Variants in RHOBTB1 observed in about 807,000 individuals in gnomAD.
RHOBTB1 encodes Rho related BTB domain containing 1.
RHOBTB1 carries 40 observed loss-of-function variants against 71.6 expected under a neutral mutation model. The ratio of observed to expected loss-of-function variants is 0.56; its 90% confidence interval spans 0.43 to 0.73. The LOEUF (loss-of-function observed/expected upper bound fraction) is 0.73, where lower values mean the gene tolerates loss of function less well. Ranked by LOEUF, RHOBTB1 falls within the 30% of genes least tolerant of loss-of-function variation. RHOBTB1 has a pLI of 0.00. For missense variants in RHOBTB1, 797 were observed against 894.0 expected, an observed-to-expected ratio of 0.89 and a Z score of 1.38; for synonymous variants, 319 against 334.9, an observed-to-expected ratio of 0.95 and a Z score of 0.52.
chr10:60,984,060 TTGTAC>T (rs1422901735), intron 2 of RHOBTB1, among the ~76,000 whole-genome samples: 1 of 152,230 alleles, frequency 6.6e-6, no homozygotes, highest in Non-Finnish European at 1.5e-5. Context: ...TTCTGAATTG[TTGTAC>T]TCTGTTCCTC....
intron 2 of RHOBTB1, among the ~76,000 whole-genome samples, chr10:60,985,538 G>A (rs191514355): frequency 1.1e-4 from 17 of 152,170 alleles, no homozygotes; most frequent in East Asian, 1.9e-4. Flanking sequence ...AAAATGCTAC[G>A]CACTAAAGAA....
chr10:60,920,737 C>A (rs575445088), intron 2 of RHOBTB1, among the ~76,000 whole-genome samples: 146 of 151,928 alleles, frequency 9.6e-4, no homozygotes, highest in Non-Finnish European at 1.8e-3. Context: ...GCAACCCCTA[C>A]CTCCACCTCT....
At chr10:60,997,892 A>G (rs1443768927) in intron 1 of RHOBTB1, among the ~76,000 whole-genome samples, 2 of 152,188 alleles carry the variant, frequency 1.3e-5, no homozygotes, top group Non-Finnish European at 2.9e-5. Flanking sequence ...GGTGGTCCTC[A>G]CTATTTTTGA....
rs1195553042 is a variant in RHOBTB1, at chr10:60,875,019, T to G, written c.1750A>C (p.Thr584Pro). The G allele has an allele frequency of 1.2e-6, 2 of 1,614,038 alleles. No individual in the cohort carries two copies. Among genetic ancestry groups the G allele is most frequent in the Non-Finnish European group, 1.7e-6 (2 of 1,179,938 alleles). Residue 584 changes from threonine (T) to proline (P), a missense_variant, in exon 9 of 11, where the codon ACC (threonine) becomes CCC (proline). By Grantham distance (38) the Thr-to-Pro change is conservative. Coordinates refer to ENST00000337910, the MANE Select transcript of RHOBTB1 (RefSeq NM_014836.5). Reference sequence around the variant, plus strand: ...CCCACGCCACTCGTGGCGGCTTTGGTCAACTCCTGAACGGCATGCTGTTCT... The same window carrying G: ...CCCACGCCACTCGTGGCGGCTTTGGGCAACTCCTGAACGGCATGCTGTTCT... The part of the protein sequence containing the change: ...LAEQHAVQEL[T>P]KAATSGVGID...
At chr10:60,893,775 A>C (rs1589218392) in intron 4 of RHOBTB1, among the ~76,000 whole-genome samples, 1 of 152,226 alleles carries the variant, frequency 6.6e-6, no homozygotes, top group East Asian at 1.9e-4. Flanking sequence ...TTCCATTTTT[A>C]CATAATAACT....
upstream of RHOBTB1, among the ~76,000 whole-genome samples, chr10:60,948,696 C>A (rs1457890326): frequency 6.6e-6 from 1 of 152,208 alleles, no homozygotes; most frequent in Non-Finnish European, 1.5e-5. Flanking sequence ...AGAATAAGCT[C>A]ATGTATGGCC....
intron 2 of RHOBTB1, among the ~76,000 whole-genome samples, chr10:60,969,651 G>A (rs1051237274): frequency 1.3e-5 from 2 of 152,044 alleles, no homozygotes; most frequent in African/African-American, 2.4e-5. Context: ...GGTCAAGAGA[G>A]TCCTATTGTC....
chr10:60,957,208 T>C (rs1266977197), intron 2 of RHOBTB1, among the ~76,000 whole-genome samples: 1 of 152,184 alleles, frequency 6.6e-6, no homozygotes, highest in Non-Finnish European at 1.5e-5. Context: ...ACAAAAAGGA[T>C]AGTCAACACA....
At chr10:60,969,838 A>G (rs1002248209) in intron 2 of RHOBTB1, among the ~76,000 whole-genome samples, 4 of 152,138 alleles carry the variant, frequency 2.6e-5, no homozygotes, top group African/African-American at 9.6e-5. Flanking sequence ...TAGTATTTAA[A>G]GAAATAGAAT....
At chr10:60,912,216 T>TATATACAC (rs2083023428) in intron 2 of RHOBTB1, among the ~76,000 whole-genome samples, 1 of 151,424 alleles carries the variant, frequency 6.6e-6, no homozygotes, top group African/African-American at 2.4e-5. Flanking sequence ...TATATATGTG[T>TATATACAC]ATATATATAC....
In RHOBTB1 at chr10:60,999,253, TGAAAA is replaced by T. The variant is rs138092528; in HGVS notation, c.-163+2141_-163+2145del. On this transcript the variant is annotated intron_variant, in intron 1 of 11. Transcript: ENST00000357917. ...CGCATCCAAATTTTAGTGAAGGAAA[TGAAAA>T]GAAAAGTCCACTAAAATGGACAAGT... 9.1e-3 allele frequency among the ~76,000 whole-genome samples: 1,387 copies of T among 151,828 alleles called. 4 individuals are homozygous for T. Among genetic ancestry groups the T allele is most frequent in the African/African-American group, 0.015 (623 of 41,374 alleles).
At chr10:60,989,414 G>C (rs934769175) in intron 1 of RHOBTB1, among the ~76,000 whole-genome samples, 4 of 152,182 alleles carry the variant, frequency 2.6e-5, no homozygotes, top group African/African-American at 4.8e-5. Context: ...TGTCTTCCTG[G>C]TGCCTGTCCT....
At chr10:60,945,217 C>A (rs2085173379), upstream of RHOBTB1, among the ~76,000 whole-genome samples, 1 of 152,174 alleles carries the variant, frequency 6.6e-6, no homozygotes, top group South Asian at 2.1e-4. Flanking sequence ...ACCCATCACT[C>A]CTAGCCTGTA....
In RHOBTB1 at chr10:60,993,505, C is replaced by A. The variant is rs77745609; in HGVS notation, c.-162-7560G>T. On this transcript the variant is annotated intron_variant, in intron 1 of 11. Transcript: ENST00000357917. Reference sequence around the variant, plus strand: ...GCAAGGCATAACTGATTTTTTTCTCCTTTGCATTGCCTGCTCAAAAACTGA... The same window carrying A: ...GCAAGGCATAACTGATTTTTTTCTCATTTGCATTGCCTGCTCAAAAACTGA... Among the ~76,000 whole-genome samples, 215 of 152,030 alleles carry A rather than the reference C, an allele frequency of 1.4e-3. 2 individuals are homozygous for A. The East Asian group carries it at 0.027, about 19-fold the overall frequency.
At chr10:60,884,515 A>G (rs765604546) in intron 7 of RHOBTB1, among the ~76,000 whole-genome samples, 6 of 152,182 alleles carry the variant, frequency 3.9e-5, no homozygotes, top group Non-Finnish European at 7.3e-5. Context: ...AGTTTGTAAA[A>G]AGACAAAGAG....
At chr10:60,918,113 G>A (rs2083365060) in intron 2 of RHOBTB1, among the ~76,000 whole-genome samples, 1 of 152,086 alleles carries the variant, frequency 6.6e-6, no homozygotes, top group Admixed American at 6.6e-5. Context: ...AGTGTTTGTG[G>A]GGCATAGCTA....
intron 4 of RHOBTB1, among the ~76,000 whole-genome samples, chr10:60,909,099 A>G (rs2082835005): frequency 6.6e-6 from 1 of 152,198 alleles, no homozygotes. Flanking sequence ...ACACGCAGGT[A>G]TGGCATGTTG....
intron 1 of RHOBTB1, among the ~76,000 whole-genome samples, chr10:60,986,404 GATATATATATATAT>G (rs34154360): frequency 1.5e-5 from 1 of 67,636 alleles, no homozygotes; most frequent in Admixed American, 1.8e-4. Flanking sequence ...ATAAATAAAA[GATATATATATATAT>G]ATATATATAT....
At chr10:60,917,848 A>T (rs2083350016) in intron 2 of RHOBTB1, among the ~76,000 whole-genome samples, 1 of 151,974 alleles carries the variant, frequency 6.6e-6, no homozygotes, top group Admixed American at 6.6e-5. Context: ...ATTCCTTAAA[A>T]CCTTACTCAG....
Sources: allele counts gnomAD v4.1 joint callset (sites outside exome capture counted in the v4.1 genomes callset), GRCh38; gene constraint gnomAD v4.1.1; transcripts MANE v1.5; gene names NCBI Gene and HGNC (gene_info 2026-07-23, HGNC 2026-07-21).